Variants in CENPW observed in about 807,000 individuals in gnomAD.
CENPW encodes the protein cancer-up-regulated gene 2 protein.
CENPW carries 3 observed loss-of-function variants against 11.1 expected under a neutral mutation model. The observed-to-expected ratio is 0.27, with a 90% CI of 0.12 to 0.70. CENPW has a LOEUF of 0.70. Among genes scored for constraint, CENPW ranks in the 30% least tolerant of loss-of-function variants. The probability of loss-of-function intolerance (pLI) is 0.77; values close to 1 mark genes in which losing one functional copy is unlikely to be tolerated. For synonymous variants in CENPW, 38 were observed against 42.0 expected, an observed-to-expected ratio of 0.91 and a Z score of 0.37; for missense variants, 100 against 105.6, an observed-to-expected ratio of 0.95 and a Z score of 0.23.
chr6:126,412,289 T>G, the CENPW span, among the ~76,000 whole-genome samples: 1 of 151,742 alleles, frequency 6.6e-6, no homozygotes, highest in South Asian at 2.1e-4. Context: ...CAGCCTGCAT[T>G]GGCTTCATCT....
the CENPW span, among the ~76,000 whole-genome samples, chr6:126,429,622 A>G: frequency 6.6e-6 from 1 of 152,206 alleles, no homozygotes; most frequent in Non-Finnish European, 1.5e-5. Context: ...CTGCAGAACC[A>G]TGTGCCCATT....
At chr6:126,410,595 CT>C in the CENPW span, among the ~76,000 whole-genome samples, 2 of 151,534 alleles carry the variant, frequency 1.3e-5, no homozygotes, top group African/African-American at 4.8e-5. Flanking sequence ...TTTTTGTTAT[CT>C]TTTTTTCCTG....
the CENPW span, among the ~76,000 whole-genome samples, chr6:126,399,567 C>G: frequency 6.7e-6 from 1 of 150,152 alleles, no homozygotes; most frequent in Admixed American, 6.6e-5. Context: ...CATTTTACAT[C>G]TGTTTTTCTT....
chr6:126,423,806 A>G, the CENPW span, among the ~76,000 whole-genome samples: 1 of 151,040 alleles, frequency 6.6e-6, no homozygotes, highest in African/African-American at 2.4e-5. Context: ...TTCAATCTTT[A>G]CATTTTAATT....
At chr6:126,430,605 C>T in the CENPW span, among the ~76,000 whole-genome samples, 1 of 152,132 alleles carries the variant, frequency 6.6e-6, no homozygotes, top group Admixed American at 6.5e-5. Context: ...AGAGTCTGAA[C>T]TCTTTTCATA....
chr6:126,447,111 C>G, the CENPW span, among the ~76,000 whole-genome samples: 3 of 151,030 alleles, frequency 2.0e-5, no homozygotes, highest in Non-Finnish European at 3.0e-5. Flanking sequence ...AACTCTCAAC[C>G]TTTTGTGTGC....
the CENPW span, among the ~76,000 whole-genome samples, chr6:126,470,202 G>T: frequency 6.6e-6 from 1 of 152,188 alleles, no homozygotes; most frequent in Non-Finnish European, 1.5e-5. Flanking sequence ...CATGGACAGG[G>T]CCCAGGTGCC....
the CENPW span, among the ~76,000 whole-genome samples, chr6:126,388,851 A>G: frequency 6.6e-6 from 1 of 151,970 alleles, no homozygotes. Context: ...TCTTGAGGGT[A>G]GAACACTTCT....
the CENPW span, among the ~76,000 whole-genome samples, chr6:126,362,804 T>C: frequency 6.6e-6 from 1 of 152,140 alleles, no homozygotes; most frequent in African/African-American, 2.4e-5. Flanking sequence ...TCTTTTAAAA[T>C]TGTACTGAAA....
chr6:126,470,571 A>T, the CENPW span, among the ~76,000 whole-genome samples: 1 of 152,214 alleles, frequency 6.6e-6, no homozygotes, highest in African/African-American at 2.4e-5. Context: ...GAGCTGTGAG[A>T]AGAGAGCCAC....
the CENPW span, among the ~76,000 whole-genome samples, chr6:126,461,738 T>G: frequency 6.6e-6 from 1 of 151,974 alleles, no homozygotes; most frequent in Non-Finnish European, 1.5e-5. Context: ...CAGAGAATGA[T>G]GATACAGCTT....
chr6:126,474,501 G>T, the CENPW span, among the ~76,000 whole-genome samples: 1 of 152,076 alleles, frequency 6.6e-6, no homozygotes, highest in Non-Finnish European at 1.5e-5. Context: ...AAGAGGTTTA[G>T]AATATTTTAA....
At chr6:126,394,440 T>C in the CENPW span, among the ~76,000 whole-genome samples, 1 of 152,084 alleles carries the variant, frequency 6.6e-6, no homozygotes. Flanking sequence ...AATATAACTT[T>C]GTCTGCCTGC....
At chr6:126,396,598 C>G in the CENPW span, among the ~76,000 whole-genome samples, 1 of 152,086 alleles carries the variant, frequency 6.6e-6, no homozygotes, top group Non-Finnish European at 1.5e-5. Context: ...TTACCTTTCT[C>G]TCTGCTTTTC....
downstream of CENPW, among the ~76,000 whole-genome samples, chr6:126,349,116 T>G (rs968019083): frequency 1.3e-5 from 2 of 152,080 alleles, no homozygotes; most frequent in African/African-American, 4.8e-5. Context: ...TTTTTCCCCC[T>G]AAATAAGATA....
the CENPW span, among the ~76,000 whole-genome samples, chr6:126,401,226 T>C: frequency 1.3e-5 from 2 of 152,222 alleles, no homozygotes; most frequent in Admixed American, 6.6e-5. Flanking sequence ...TTAGGTTTTG[T>C]TATTAATGTA....
the CENPW span, among the ~76,000 whole-genome samples, chr6:126,363,858 G>A: frequency 2.0e-5 from 3 of 152,256 alleles, no homozygotes; most frequent in East Asian, 3.9e-4. Flanking sequence ...TGCTGCTTTC[G>A]AGGGAGTTTC....
At chr6:126,480,771 A>G in the CENPW span, among the ~76,000 whole-genome samples, 3,627 of 152,022 alleles carry the variant, frequency 0.024, 132 homozygotes, top group African/African-American at 0.082. Context: ...ATTTTCTTGG[A>G]CTGTTAGATT....
the CENPW span, among the ~76,000 whole-genome samples, chr6:126,378,396 C>A: frequency 6.6e-6 from 1 of 151,154 alleles, no homozygotes; most frequent in Non-Finnish European, 1.5e-5. Flanking sequence ...TACGACAACT[C>A]ATTTTAGTAG....
Sources: allele counts gnomAD v4.1 joint callset (sites outside exome capture counted in the v4.1 genomes callset), GRCh38; gene constraint gnomAD v4.1.1; transcripts MANE v1.5; gene names NCBI Gene and HGNC (gene_info 2026-07-23, HGNC 2026-07-21).